Variants in CLVS1 observed in about 807,000 individuals in gnomAD.
The protein encoded by CLVS1 is clavesin-1.
A neutral mutation model predicts 33.1 loss-of-function variants in CLVS1; 10 were observed. The ratio of observed to expected loss-of-function variants is 0.30; its 90% CI spans 0.19 to 0.51. The LOEUF (loss-of-function observed/expected upper bound fraction) is 0.51, where lower values mean the gene tolerates loss of function less well. CLVS1 is among the 20% of genes least tolerant of loss of function. The pLI, the probability that CLVS1 is intolerant of heterozygous loss-of-function variation, is 0.97. For synonymous variants in CLVS1, 163 were observed against 166.1 expected, an observed-to-expected ratio of 0.98 and a Z score of 0.14; for missense variants, 343 against 433.4, an observed-to-expected ratio of 0.79 and a Z score of 1.85.
intron 2 of CLVS1, among the ~76,000 whole-genome samples, chr8:61,150,766 C>T (rs997028961): frequency 1.2e-4 from 18 of 152,158 alleles, no homozygotes; most frequent in African/African-American, 4.3e-4. Context: ...AGCTGTGGCT[C>T]GAACTGGCCC....
At chr8:61,248,716 G>T (rs1808872451) in intron 2 of CLVS1, among the ~76,000 whole-genome samples, 1 of 151,988 alleles carries the variant, frequency 6.6e-6, no homozygotes, top group Non-Finnish European at 1.5e-5. Context: ...AATGCTTAGA[G>T]TGCAAATAGA....
At chr8:61,208,368 A>T (rs1485426717) in intron 2 of CLVS1, among the ~76,000 whole-genome samples, 1 of 152,252 alleles carries the variant, frequency 6.6e-6, no homozygotes, top group African/African-American at 2.4e-5. Context: ...CTGACAAAAT[A>T]GCAGATAAAT....
intron 1 of CLVS1, among the ~76,000 whole-genome samples, chr8:61,297,889 A>G (rs1051618801): frequency 2.0e-5 from 3 of 152,312 alleles, no homozygotes; most frequent in East Asian, 3.9e-4. Context: ...AAGCTCACCT[A>G]CAGTAGCTGC....
intron 1 of CLVS1, among the ~76,000 whole-genome samples, chr8:61,119,083 T>G (rs1175935048): frequency 1.3e-5 from 2 of 152,362 alleles, no homozygotes; most frequent in East Asian, 1.9e-4. Context: ...ATATTTAGGA[T>G]AGTTAGCTCT....
At chr8:61,470,048 A>T (rs1257782296) in intron 5 of CLVS1, among the ~76,000 whole-genome samples, 1 of 152,242 alleles carries the variant, frequency 6.6e-6, no homozygotes, top group Non-Finnish European at 1.5e-5. Context: ...TGTTCCACAG[A>T]TGCCAATAGG....
chr8:61,485,617 A>G (rs1420884003), intron 5 of CLVS1, among the ~76,000 whole-genome samples: 1 of 152,258 alleles, frequency 6.6e-6, no homozygotes, highest in African/African-American at 2.4e-5. Context: ...AGGATTATAA[A>G]TCATACTGCT....
chr8:61,344,527 G>C (rs1011846387), intron 2 of CLVS1, among the ~76,000 whole-genome samples: 1 of 152,188 alleles, frequency 6.6e-6, no homozygotes, highest in Admixed American at 6.5e-5. Context: ...AGGGAATGGA[G>C]TAATCTGGTT....
At position 61,499,744 on chromosome 8, in the gene CLVS1, T is replaced by TTC; in HGVS notation, c.*202_*203insTC. 1 of 390,212 alleles carries TTC rather than the reference T, an allele frequency of 2.6e-6. No homozygotes were observed. Among genetic ancestry groups the TTC allele is most frequent in the East Asian group, 3.7e-5 (1 of 27,030 alleles). The allele number at this position is 390,212 out of a possible 1,614,324, so 24.2% of individuals were successfully genotyped here. ...AAAGACTTGAGAGATGCTTTTTTTT[T>TTC]CCCCCAGTGAGGGGACTGGAGGATG... On this transcript the variant is annotated 3_prime_UTR_variant, in exon 6 of 6. Transcript: ENST00000325897.
At chr8:61,070,286 T>A (rs1045723587) in intron 1 of CLVS1, among the ~76,000 whole-genome samples, 1 of 152,232 alleles carries the variant, frequency 6.6e-6, no homozygotes, top group Non-Finnish European at 1.5e-5. Flanking sequence ...TTATTTTAGC[T>A]TTATCCTCAG....
At chr8:61,389,617 A>G (rs185366766) in intron 3 of CLVS1, among the ~76,000 whole-genome samples, 1 of 152,336 alleles carries the variant, frequency 6.6e-6, no homozygotes, top group East Asian at 1.9e-4. Context: ...CTGAAGCTAG[A>G]AAGCACTATG....
intron 3 of CLVS1, among the ~76,000 whole-genome samples, chr8:61,384,495 G>T (rs1044839279): frequency 1.3e-5 from 2 of 152,200 alleles, no homozygotes; most frequent in African/African-American, 4.8e-5. Flanking sequence ...ATGGTTGAGG[G>T]TTGGCTGCGT....
chr8:60,971,163 A>G, the CLVS1 span, among the ~76,000 whole-genome samples: 1 of 141,262 alleles, frequency 7.1e-6, no homozygotes, highest in Non-Finnish European at 1.5e-5. Context: ...TGCAACCTCG[A>G]CCTCCTTAGC....
chr8:61,343,015 G>C (rs780845998), intron 2 of CLVS1, among the ~76,000 whole-genome samples: 3 of 152,140 alleles, frequency 2.0e-5, no homozygotes, highest in Non-Finnish European at 4.4e-5. Context: ...CTGTTTTCAG[G>C]TATTAACATT....
At chr8:61,120,944 G>A (rs1368429666) in intron 1 of CLVS1, among the ~76,000 whole-genome samples, 2 of 149,050 alleles carry the variant, frequency 1.3e-5, no homozygotes, top group East Asian at 2.0e-4. Flanking sequence ...AAGCAAGCCT[G>A]GGCAATGGCG....
At chr8:61,365,776 C>T (rs73682273) in intron 2 of CLVS1, among the ~76,000 whole-genome samples, 3,000 of 110,458 alleles carry the variant, frequency 0.027, 41 homozygotes, top group South Asian at 0.078. Context: ...TGTGTGTGTG[C>T]GTGTGTGTGT....
intron 5 of CLVS1, among the ~76,000 whole-genome samples, chr8:61,485,398 C>G (rs1256653081): frequency 6.6e-6 from 1 of 152,146 alleles, no homozygotes; most frequent in African/African-American, 2.4e-5. Flanking sequence ...CAATGAGATA[C>G]CATCTCACAC....
At chr8:61,129,181 G>T (rs549911886) in intron 1 of CLVS1, among the ~76,000 whole-genome samples, 4 of 152,370 alleles carry the variant, frequency 2.6e-5, no homozygotes, top group Admixed American at 2.6e-4. Context: ...ACTATGTGAA[G>T]AGTAACTCAT....
intron 3 of CLVS1, among the ~76,000 whole-genome samples, chr8:61,427,698 G>A (rs73685007): frequency 0.02 from 3,107 of 152,302 alleles, 118 homozygotes; most frequent in African/African-American, 0.071. Flanking sequence ...TGGGCTCAGA[G>A]AGGTTAAGTT....
chr8:61,040,099 G>A, the CLVS1 span, among the ~76,000 whole-genome samples: 2 of 152,132 alleles, frequency 1.3e-5, no homozygotes, highest in Non-Finnish European at 2.9e-5. Flanking sequence ...GCAGTACTTG[G>A]TTTTCCATTC....
Sources: gnomAD v4.1 joint callset for allele counts (sites outside exome capture counted in the v4.1 genomes callset) on GRCh38, gnomAD v4.1.1 for gene constraint, MANE v1.5 for transcripts, NCBI Gene and HGNC (gene_info 2026-07-23, HGNC 2026-07-21) for gene names.